Variants in FRMD8 observed in about 807,000 individuals in gnomAD.
FRMD8 encodes FERM domain-containing protein 8.
FRMD8 carries 37 observed loss-of-function variants against 54.2 expected under a neutral mutation model. The observed-to-expected ratio is 0.68, with a 90% CI of 0.53 to 0.90. The LOEUF (loss-of-function observed/expected upper bound fraction) is 0.90. Ranked by LOEUF, FRMD8 falls within the 40% of genes least tolerant of loss-of-function variation. The pLI is 0.00. For synonymous variants in FRMD8, 246 were observed against 286.9 expected, an observed-to-expected ratio of 0.86 and a Z score of 1.44; for missense variants, 585 against 653.7, an observed-to-expected ratio of 0.89 and a Z score of 1.15.
chr11:65,369,421 CA>C, the FRMD8 span, among the ~76,000 whole-genome samples: 1,698 of 124,610 alleles, frequency 0.014, 15 homozygotes, highest in African/African-American at 0.034. Flanking sequence ...CCCATTTTTA[CA>C]AAAAAAAAAA....
At chr11:65,391,591 A>G (rs1590648562) in intron 3 of FRMD8, among the ~76,000 whole-genome samples, 1 of 151,054 alleles carries the variant, frequency 6.6e-6, no homozygotes, top group South Asian at 2.1e-4. Flanking sequence ...GCTCACTGCA[A>G]CCTCCGCCTC....
chr11:65,399,633 C>T, intron 7 of FRMD8, 103 bp from the exon 8 acceptor site: 1 of 1,434,950 alleles, frequency 7.0e-7, no homozygotes, highest in South Asian at 1.3e-5. Flanking sequence ...GGGTTTCAGT[C>T]ACCCAAACAG....
intron 3 of FRMD8, 35 bp downstream of exon 3, chr11:65,389,563 GT>G (rs1254460553): frequency 1.7e-5 from 26 of 1,537,690 alleles, no homozygotes; most frequent in Non-Finnish European, 2.2e-5. Flanking sequence ...AGGCTGGAGG[GT>G]TGGAAGGGCA....
chr11:65,381,655 A>C, upstream of FRMD8: 1 of 457,172 alleles, frequency 2.2e-6, no homozygotes, highest in South Asian at 2.1e-5. Context: ...GCAGCCTTGA[A>C]CTCCTGAGCT....
Position 65,393,559 on chromosome 11 carries a change from A to G in FRMD8, c.254-14A>G, listed in dbSNP as rs1256756093. On this transcript the variant is annotated splice_polypyrimidine_tract_variant and intron_variant, in intron 3 of 10. Transcript: ENST00000317568. ...CCGGAGGCTGCATGGGCCACTCCCCATCTCGTCCTGCAGAGGTGCAGCTGA... is the reference window on the plus strand; with the variant it reads ...CCGGAGGCTGCATGGGCCACTCCCCGTCTCGTCCTGCAGAGGTGCAGCTGA... 3 of 1,603,574 alleles carry G rather than the reference A, an allele frequency of 1.9e-6. No homozygotes were observed. The highest frequency in any genetic ancestry group is 2.5e-6 in the Non-Finnish European group (3 of 1,177,456).
At chr11:65,375,213 T>C in the FRMD8 span, 1 of 152,250 alleles carries the variant, frequency 6.6e-6, no homozygotes, top group African/African-American at 2.4e-5. Flanking sequence ...GAGCATTTAT[T>C]GCACACGTCT....
chr11:65,373,925 A>G, the FRMD8 span, among the ~76,000 whole-genome samples: 2 of 152,178 alleles, frequency 1.3e-5, no homozygotes, highest in Non-Finnish European at 2.9e-5. Context: ...TCCATGGACC[A>G]CACTTGGATT....
chr11:65,400,480 C>G lies in FRMD8; in HGVS notation c.928-244C>G, dbSNP rs1237427716. Among the ~76,000 whole-genome samples the G allele has an allele frequency of 6.6e-6, 1 of 152,202 alleles. No individual in the cohort carries two copies. Among genetic ancestry groups the G allele is most frequent in the Non-Finnish European group, 1.5e-5 (1 of 68,028 alleles). On this transcript the variant is annotated intron_variant, in intron 8 of 10. Coordinates refer to ENST00000317568, the MANE Select transcript of FRMD8 (RefSeq NM_031904.5). This position sits in a 1 kb window ranked among gnomAD's most constrained non-coding sequence, Gnocchi z 4.3. ...CCTGCCTCCTCCCCCACGTGCCTCC[C>G]CCGCTGTCAGGGGCTTGGCCTGCTG...
chr11:65,380,890 G>T, the FRMD8 span: 1 of 274,296 alleles, frequency 3.6e-6, no homozygotes, highest in Non-Finnish European at 7.4e-6. Flanking sequence ...GGCCCAGAGG[G>T]GACTCAGGAC....
In FRMD8 at chr11:65,396,866, C is replaced by T. The variant is rs149382757; in HGVS notation, c.649C>T (p.Arg217Trp). ...GGGCCAGAGTCTCTTTGCTGCCCTCCGGGGCCGTGGGGCCAGGGCCGGGCC... is the reference window on the plus strand; with the variant it reads ...GGGCCAGAGTCTCTTTGCTGCCCTCTGGGGCCGTGGGGCCAGGGCCGGGCC... ...KRGQSLFAAL[R>W]GRGARAGPGE... The change falls in exon 7 of 11, where the codon CGG becomes TGG. Residue 217 changes from arginine (R) to tryptophan (W), a missense_variant. Transcript: ENST00000317568. 21 of 1,559,872 alleles carry T rather than the reference C, an allele frequency of 1.3e-5. No individual in the cohort carries two copies. The highest frequency in any genetic ancestry group is 1.6e-5 in the Non-Finnish European group (19 of 1,153,314).
chr11:65,374,798 C>G, the FRMD8 span, among the ~76,000 whole-genome samples: 1 of 151,764 alleles, frequency 6.6e-6, no homozygotes, highest in African/African-American at 2.4e-5. Context: ...GAGACCTCCT[C>G]TCTACAAAAA....
upstream of FRMD8, chr11:65,381,678 C>A (rs1855566506): frequency 2.0e-6 from 1 of 496,786 alleles, no homozygotes; most frequent in Admixed American, 3.0e-5. Flanking sequence ...AGCAATCCTC[C>A]TAAGTAGCTG....
chr11:65,409,649 C>T (rs1183519057), intron 10 of FRMD8, among the ~76,000 whole-genome samples: 1 of 151,860 alleles, frequency 6.6e-6, no homozygotes, highest in Non-Finnish European at 1.5e-5. Context: ...GCCTGAAGTC[C>T]CAGCTAGTTG....
chr11:65,403,820 G>C (rs1856131485), intron 9 of FRMD8, among the ~76,000 whole-genome samples: 1 of 152,230 alleles, frequency 6.6e-6, no homozygotes, highest in Admixed American at 6.5e-5. Context: ...GGCTTCCTGA[G>C]CCTCAGAGGC....
rs375969698 is a variant in FRMD8, at chr11:65,406,677, C to T, written c.1276+1609C>T. Among the ~76,000 whole-genome samples, 39 of 152,008 alleles carry T rather than the reference C, an allele frequency of 2.6e-4. No individual in the cohort carries two copies. In the East Asian group the frequency reaches 4.5e-3, roughly 18 times the overall value. Reference sequence around the variant, plus strand: ...TACCCTGGCCGGGCGCAGTGGCTCACGCCTGTAATCCTAGCACATTGGGAG... The same window carrying T: ...TACCCTGGCCGGGCGCAGTGGCTCATGCCTGTAATCCTAGCACATTGGGAG... On this transcript the variant is annotated intron_variant, in intron 10 of 10. Coordinates refer to ENST00000317568, the MANE Select transcript of FRMD8 (RefSeq NM_031904.5).
chr11:65,410,291 A>C (rs1343390271), intron 10 of FRMD8, among the ~76,000 whole-genome samples: 1 of 151,858 alleles, frequency 6.6e-6, no homozygotes, highest in African/African-American at 2.4e-5. Flanking sequence ...AGGTCAAGAG[A>C]TCGAGACCAT....
chr11:65,398,597 C>T (rs1408333446), intron 7 of FRMD8, among the ~76,000 whole-genome samples: 3 of 152,178 alleles, frequency 2.0e-5, no homozygotes, highest in South Asian at 4.1e-4. Context: ...GGTGGGCGAG[C>T]GTGAGCAGGG....
At chr11:65,380,484 C>A in the FRMD8 span, 1 of 1,343,446 alleles carries the variant, frequency 7.4e-7, no homozygotes, top group Non-Finnish European at 1.0e-6. Flanking sequence ...ACCCGGGTAT[C>A]CCACCGCCTA....
At chr11:65,392,145 G>A (rs1855858216) in intron 3 of FRMD8, among the ~76,000 whole-genome samples, 1 of 152,204 alleles carries the variant, frequency 6.6e-6, no homozygotes, top group African/African-American at 2.4e-5. Flanking sequence ...AGGTTGTAAA[G>A]GAGGGCTGTG....
Sources: allele counts gnomAD v4.1 joint callset (sites outside exome capture counted in the v4.1 genomes callset), GRCh38; gene constraint gnomAD v4.1.1; non-coding constraint Gnocchi (gnomAD v3.1); transcripts MANE v1.5; gene names NCBI Gene and HGNC (gene_info 2026-07-23, HGNC 2026-07-21).